Variants in SETBP1 observed in about 807,000 individuals in gnomAD.
SETBP1 encodes the protein SET-binding protein.
SETBP1 carries 9 observed loss-of-function variants against 101.0 expected under a neutral mutation model. That is an observed-to-expected ratio of 0.09 (90% confidence interval 0.05 to 0.16). SETBP1 has a LOEUF of 0.16. Ranked by LOEUF, SETBP1 falls within the 10% of genes least tolerant of loss-of-function variation. SETBP1 has a pLI of 1.00. For synonymous variants in SETBP1, 818 were observed against 788.5 expected, an observed-to-expected ratio of 1.04 and a Z score of -0.63; for missense variants, 1,858 against 2,033.8, an observed-to-expected ratio of 0.91 and a Z score of 1.66.
chr18:44,816,469 C>T (rs1304966543), intron 2 of SETBP1, among the ~76,000 whole-genome samples: 1 of 152,178 alleles, frequency 6.6e-6, no homozygotes, highest in Non-Finnish European at 1.5e-5. Flanking sequence ...GTTGGCCAGA[C>T]TATGGGAAAG....
At chr18:44,946,777 A>C (rs1340038166) in intron 3 of SETBP1, among the ~76,000 whole-genome samples, 1 of 152,214 alleles carries the variant, frequency 6.6e-6, no homozygotes. Context: ...CTGACCTCAA[A>C]GTACTTATAG....
intron 2 of SETBP1, among the ~76,000 whole-genome samples, chr18:44,864,899 A>G (rs933436309): frequency 1.3e-5 from 2 of 151,806 alleles, no homozygotes; most frequent in African/African-American, 4.8e-5. Context: ...CTGTTTCCCA[A>G]TGGGATGGAG....
intron 3 of SETBP1, among the ~76,000 whole-genome samples, chr18:44,921,442 G>A (rs1246429303): frequency 6.6e-6 from 1 of 152,052 alleles, no homozygotes; most frequent in Non-Finnish European, 1.5e-5. Flanking sequence ...GTGGCAGTGG[G>A]TCTTAGATCA....
intron 4 of SETBP1, among the ~76,000 whole-genome samples, chr18:44,965,439 T>A (rs912717688): frequency 3.3e-5 from 5 of 152,192 alleles, no homozygotes; most frequent in Non-Finnish European, 7.3e-5. Flanking sequence ...GAATTCCTTA[T>A]GCTTGCTTAT....
At chr18:44,927,997 T>G (rs191460329) in intron 3 of SETBP1, among the ~76,000 whole-genome samples, 13 of 152,176 alleles carry the variant, frequency 8.5e-5, no homozygotes, top group Non-Finnish European at 1.3e-4. Flanking sequence ...TTGTTACATA[T>G]GTATACATGT....
At chr18:44,834,721 A>G (rs780100719) in intron 2 of SETBP1, among the ~76,000 whole-genome samples, 7 of 152,244 alleles carry the variant, frequency 4.6e-5, no homozygotes, top group Non-Finnish European at 8.8e-5. Context: ...GAATTAAGAT[A>G]GAATTACTTG....
At chr18:45,022,672 A>G (rs1016956684) in intron 4 of SETBP1, among the ~76,000 whole-genome samples, 1 of 152,144 alleles carries the variant, frequency 6.6e-6, no homozygotes, top group Non-Finnish European at 1.5e-5. Context: ...TCTACTAAAA[A>G]TACAAAAACC....
At position 44,811,316 on chromosome 18, in the gene SETBP1, C is replaced by T. The variant is rs371291501; in HGVS notation, c.487-57914C>T. Among the ~76,000 whole-genome samples the T allele has an allele frequency of 1.3e-4, 20 of 152,392 alleles. 1 individual carries two copies. Among genetic ancestry groups the T allele is most frequent in the Middle Eastern group, 3.4e-3 (1 of 294 alleles). ...AGGCAGAGATGTTTAAATGAATACACATACACACGTGCTCACACATATGCA... is the reference window on the plus strand; with the variant it reads ...AGGCAGAGATGTTTAAATGAATACATATACACACGTGCTCACACATATGCA... On this transcript the variant is annotated intron_variant, in intron 2 of 5. Coordinates refer to ENST00000649279, the MANE Select transcript of SETBP1 (RefSeq NM_015559.3).
chr18:44,741,801 C>T (rs2070104219), intron 2 of SETBP1, among the ~76,000 whole-genome samples: 1 of 152,196 alleles, frequency 6.6e-6, no homozygotes, highest in South Asian at 2.1e-4. Flanking sequence ...ACTCCTCACC[C>T]ACCCCTGACG....
chr18:45,057,396 A>T (rs1471963509), intron 5 of SETBP1, among the ~76,000 whole-genome samples: 1 of 152,074 alleles, frequency 6.6e-6, no homozygotes, highest in African/African-American at 2.4e-5. Context: ...AAAATGCAGG[A>T]TTTACATTAG....
At chr18:44,878,069 T>G (rs995080809) in intron 3 of SETBP1, among the ~76,000 whole-genome samples, 3 of 152,170 alleles carry the variant, frequency 2.0e-5, no homozygotes, top group Non-Finnish European at 4.4e-5. Context: ...GCAGAAAATT[T>G]TTTCCACTTG....
At chr18:44,768,683 C>T (rs1160062945) in intron 2 of SETBP1, among the ~76,000 whole-genome samples, 2 of 152,058 alleles carry the variant, frequency 1.3e-5, no homozygotes, top group Non-Finnish European at 2.9e-5. Context: ...ATTGCTTAAC[C>T]ATATCAGACA....
intron 2 of SETBP1, among the ~76,000 whole-genome samples, chr18:44,769,507 TTAAG>T (rs2070829435): frequency 6.6e-6 from 1 of 152,266 alleles, no homozygotes; most frequent in Non-Finnish European, 1.5e-5. Flanking sequence ...TTGCCTTGGC[TTAAG>T]CCAAGTTCTC....
intron 4 of SETBP1, among the ~76,000 whole-genome samples, chr18:45,028,268 T>A (rs1206014485): frequency 6.6e-6 from 1 of 151,276 alleles, no homozygotes; most frequent in Non-Finnish European, 1.5e-5. Flanking sequence ...GTGTTTGGTT[T>A]TTTGTTCTTG....
chr18:44,945,391 T>G (rs1429356963), intron 3 of SETBP1, among the ~76,000 whole-genome samples: 1 of 152,210 alleles, frequency 6.6e-6, no homozygotes, highest in Non-Finnish European at 1.5e-5. Flanking sequence ...TTCTTTACAT[T>G]ACAGAAGAAC....
intron 4 of SETBP1, among the ~76,000 whole-genome samples, chr18:44,957,954 A>G (rs1051245251): frequency 3.3e-5 from 5 of 152,194 alleles, no homozygotes; most frequent in Non-Finnish European, 7.4e-5. Context: ...GTGGGAGGAA[A>G]TGAAAGATTA....
chr18:44,933,599 C>T (rs937453627), intron 3 of SETBP1, among the ~76,000 whole-genome samples: 2 of 152,180 alleles, frequency 1.3e-5, no homozygotes, highest in African/African-American at 2.4e-5. Flanking sequence ...TGGGCTCCAC[C>T]CAGTTCGAGC....
intron 2 of SETBP1, among the ~76,000 whole-genome samples, chr18:44,767,486 G>C (rs925413339): frequency 5.9e-5 from 9 of 152,198 alleles, no homozygotes; most frequent in Non-Finnish European, 1.0e-4. Flanking sequence ...TTCAGCAAAG[G>C]AAAGGATGTC....
At chr18:44,917,924 C>A (rs2070478404) in intron 3 of SETBP1, among the ~76,000 whole-genome samples, 1 of 152,140 alleles carries the variant, frequency 6.6e-6, no homozygotes, top group African/African-American at 2.4e-5. Flanking sequence ...AGCATGTCAG[C>A]CCCCACCACA....
Sources: allele counts gnomAD v4.1 joint callset (sites outside exome capture counted in the v4.1 genomes callset), GRCh38; gene constraint gnomAD v4.1.1; transcripts MANE v1.5; gene names NCBI Gene and HGNC (gene_info 2026-07-23, HGNC 2026-07-21).